The following TRPC5 variants were observed in gnomAD, a reference collection of about 807,000 sequenced individuals.
TRPC5 encodes short transient receptor potential channel 5.
Under a neutral mutation model 56.5 loss-of-function variants are expected in TRPC5, and 9 were observed. The ratio of observed to expected loss-of-function variants is 0.16; its 90% CI spans 0.10 to 0.28. The LOEUF is 0.28. TRPC5 is among the 10% of genes least tolerant of loss of function. TRPC5 has a pLI of 1.00. For synonymous variants in TRPC5, 282 were observed against 278.5 expected, an observed-to-expected ratio of 1.01 and a Z score of -0.13; for missense variants, 469 against 748.9, an observed-to-expected ratio of 0.63 and a Z score of 4.36.
At chrX:111,831,183 C>G (rs1479704528) in intron 7 of TRPC5, among the ~76,000 whole-genome samples, 1 of 112,302 alleles carries the variant, frequency 8.9e-6, no homozygotes, top group African/African-American at 3.2e-5. Context: ...GTCGGGAGGT[C>G]TGGGTATGTC....
intron 7 of TRPC5, among the ~76,000 whole-genome samples, chrX:111,803,531 CTT>C (rs1921389463): frequency 9.0e-6 from 1 of 111,486 alleles, no homozygotes; most frequent in Non-Finnish European, 1.9e-5. Context: ...TTTTCTGACT[CTT>C]TAATGATTCT....
intron 2 of TRPC5, among the ~76,000 whole-genome samples, chrX:111,930,378 G>A (rs1189500264): frequency 2.7e-5 from 3 of 110,942 alleles, no homozygotes; most frequent in African/African-American, 9.9e-5. Context: ...CATGGTATGT[G>A]TATACCTATG....
intron 1 of TRPC5, among the ~76,000 whole-genome samples, chrX:111,966,647 C>T (rs1465496169): frequency 8.9e-6 from 1 of 111,946 alleles, no homozygotes; most frequent in African/African-American, 3.3e-5. Flanking sequence ...AAGTGGGCTT[C>T]ATCTCTGGGA....
At position 111,768,246 on chromosome X, in the gene TRPC5, C is replaced by G. The variant is rs745665761; in HGVS notation, c.*8067G>C. Among the ~76,000 whole-genome samples the G allele has an allele frequency of 1.1e-4, 12 of 111,933 alleles. No individual in the cohort carries two copies. Among genetic ancestry groups the G allele is most frequent in the Non-Finnish European group, 1.9e-4 (10 of 53,123 alleles). ...AATTTTCCCTTTTCATGATTATGCT[C>G]AAGATGTATCATTTTAAACTGAAAT... On this transcript the variant is annotated 3_prime_UTR_variant, in exon 11 of 11. Coordinates refer to ENST00000262839, the MANE Select transcript of TRPC5 (RefSeq NM_012471.3).
At chrX:111,951,359 C>T (rs772546936) in intron 2 of TRPC5, among the ~76,000 whole-genome samples, 1 of 111,581 alleles carries the variant, frequency 9.0e-6, no homozygotes, top group African/African-American at 3.3e-5. Flanking sequence ...TGGTGAAAGA[C>T]GAACTAGAGA....
chrX:111,775,587 GA>G lies in TRPC5; in HGVS notation c.*725del, dbSNP rs1945870986. On this transcript the variant is annotated 3_prime_UTR_variant, in exon 11 of 11. Transcript: ENST00000262839. ...GTAAGTTAACTGAAACACACAAACA[GA>G]AAAATAATTCGCCTAACTTATTAGA... The G allele has an allele frequency of 9.3e-6, 1 of 107,917 alleles. No individual in the cohort carries two copies. The highest frequency in any genetic ancestry group is 9.7e-5 in the Admixed American group (1 of 10,328). 8.9% of individuals were successfully genotyped at this position (107,917 alleles called of 1,213,427 possible). A position where few individuals can be genotyped will look rare whatever the true frequency, so the allele number is the denominator to read the frequency against.
chrX:112,075,034 C>T (rs760720524), intron 1 of TRPC5, among the ~76,000 whole-genome samples: 1 of 112,510 alleles, frequency 8.9e-6, no homozygotes, highest in Admixed American at 9.4e-5. Flanking sequence ...CAGCCTTTTC[C>T]TAGATGTATA....
intron 3 of TRPC5, among the ~76,000 whole-genome samples, chrX:111,874,069 A>G (rs1252244086): frequency 8.9e-6 from 1 of 111,882 alleles, no homozygotes; most frequent in Non-Finnish European, 1.9e-5. Flanking sequence ...GTCATTTTCC[A>G]TCTGTTTCCA....
rs1179753572 is a variant in TRPC5, at chrX:111,772,966, T to G, written c.*3347A>C. Among the ~76,000 whole-genome samples, 1 of 111,773 alleles carries G rather than the reference T, an allele frequency of 8.9e-6. No homozygotes were observed. Among genetic ancestry groups the G allele is most frequent in the Non-Finnish European group, 1.9e-5 (1 of 53,203 alleles). On this transcript the variant is annotated 3_prime_UTR_variant, in exon 11 of 11. Coordinates refer to ENST00000262839, the MANE Select transcript of TRPC5 (RefSeq NM_012471.3). Reference sequence around the variant, plus strand: ...TGAGGTTTTCAGATGAGGTTTGCACTGCCATAAGAACTATAAAGTTCTTTT... The same window carrying G: ...TGAGGTTTTCAGATGAGGTTTGCACGGCCATAAGAACTATAAAGTTCTTTT...
At chrX:111,831,637 G>T (rs3027688) in intron 7 of TRPC5, among the ~76,000 whole-genome samples, 8,920 of 111,910 alleles carry the variant, frequency 0.08, 796 homozygotes, top group African/African-American at 0.27. Flanking sequence ...AAGCCATCCA[G>T]CAGCTGTGGC....
chrX:111,980,923 AT>A (rs1928063563), intron 1 of TRPC5, among the ~76,000 whole-genome samples: 3 of 96,910 alleles, frequency 3.1e-5, no homozygotes, highest in African/African-American at 1.2e-4. Flanking sequence ...ATATATATAT[AT>A]ACACACACAC....
chrX:111,784,728 T>G (rs1945947018), intron 7 of TRPC5, among the ~76,000 whole-genome samples: 1 of 112,648 alleles, frequency 8.9e-6, no homozygotes, highest in African/African-American at 3.2e-5. Context: ...AATACTGCAC[T>G]TTTCCCAAGG....
At position 111,881,604 on chromosome X, in the gene TRPC5, C is replaced by T. The variant is rs185245061; in HGVS notation, c.901-27498G>A. On this transcript the variant is annotated intron_variant, in intron 3 of 10. Transcript: ENST00000262839. ...TGGAGTGTTACATACATGAGTATCC[C>T]CTGGTTTCTTGGGGGTGTCAATTCA... 9.1e-3 allele frequency among the ~76,000 whole-genome samples: 1,014 copies of T among 111,047 alleles called. 43 individuals are homozygous for T. Among genetic ancestry groups the T allele is most frequent in the Admixed American group, 0.086 (890 of 10,371 alleles).
chrX:111,978,861 A>G (rs1201644535), intron 1 of TRPC5, among the ~76,000 whole-genome samples: 1 of 111,453 alleles, frequency 9.0e-6, no homozygotes, highest in Non-Finnish European at 1.9e-5. Flanking sequence ...CGTTTTAAGT[A>G]TATATAATTT....
chrX:111,853,628 C>G, intron 4 of TRPC5, 142 bp downstream of exon 4: 2 of 528,467 alleles, frequency 3.8e-6, no homozygotes, highest in Non-Finnish European at 6.3e-6. Flanking sequence ...ATTTCTGAGA[C>G]TCTCAACAAA....
chrX:111,852,718 T>C (rs1012776530), intron 4 of TRPC5, among the ~76,000 whole-genome samples: 4 of 111,909 alleles, frequency 3.6e-5, no homozygotes, highest in African/African-American at 1.3e-4. Context: ...TGTTGCAATT[T>C]TGGGTGCCTG....
In TRPC5 at chrX:111,952,528, G is replaced by C. The variant is rs1044090260; in HGVS notation, c.-21-87C>G. ...AGTTATGGAGGCAGCCCTGCTAAGG[G>C]GTTAGAAAATCCTAAACTACTTCAA... On this transcript the variant is annotated intron_variant, in intron 1 of 10. Coordinates refer to ENST00000262839, the MANE Select transcript of TRPC5 (RefSeq NM_012471.3). 3.2e-6 allele frequency: 3 copies of C among 941,761 alleles called. No homozygotes were observed. The African/African-American group carries it at 5.9e-5, about 18-fold the overall frequency. 77.6% of individuals were successfully genotyped at this position (941,761 alleles called of 1,213,427 possible). A position where few individuals can be genotyped will look rare whatever the true frequency, so the allele number is the denominator to read the frequency against.
At chrX:111,819,937 A>T (rs763078157) in intron 7 of TRPC5, among the ~76,000 whole-genome samples, 94 of 112,187 alleles carry the variant, frequency 8.4e-4, no homozygotes, top group African/African-American at 3.0e-3. Context: ...CTGTTTCCTC[A>T]TCTGTAACAT....
At chrX:111,970,547 AT>A (rs1927751123) in intron 1 of TRPC5, among the ~76,000 whole-genome samples, 1 of 111,639 alleles carries the variant, frequency 9.0e-6, no homozygotes, top group Non-Finnish European at 1.9e-5. Context: ...AATTCTGCAC[AT>A]TCCTGCCTGC....
Sources: allele counts gnomAD v4.1 joint callset (sites outside exome capture counted in the v4.1 genomes callset), GRCh38; gene constraint gnomAD v4.1.1; transcripts MANE v1.5; gene names NCBI Gene and HGNC (gene_info 2026-07-23, HGNC 2026-07-21).